DPH6: variants seen among roughly 807,000 people sequenced by gnomAD.
DPH6 encodes diphthamine biosynthesis 6, also known as diphthine--ammonia ligase.
DPH6 carries 33 observed loss-of-function variants against 38.2 expected under a neutral mutation model. That is an observed-to-expected ratio of 0.86 (90% CI 0.65 to 1.15). DPH6 has a LOEUF of 1.15. DPH6 is among the 50% of genes most tolerant of loss of function. The probability of loss-of-function intolerance (pLI) is 0.00; values close to 1 mark genes in which losing one functional copy is unlikely to be tolerated. For missense variants in DPH6, 325 were observed against 320.0 expected (o/e 1.02, Z -0.12); for synonymous variants, 108 against 103.0 (o/e 1.05, Z -0.30).
chr15:35,523,941 T>G (rs1240908346), intron 3 of DPH6, among the ~76,000 whole-genome samples: 3 of 151,876 alleles, frequency 2.0e-5, no homozygotes, highest in Non-Finnish European at 4.4e-5. Context: ...TCCTAATACA[T>G]CTTCAGAAAC....
intron 3 of DPH6, among the ~76,000 whole-genome samples, chr15:35,308,542 C>A (rs1199278243): frequency 6.6e-6 from 1 of 151,880 alleles, no homozygotes; most frequent in African/African-American, 2.4e-5. Context: ...AATTTAAGTG[C>A]CTGGTGGCCA....
chr15:35,534,050 G>A (rs1196419697), intron 3 of DPH6, among the ~76,000 whole-genome samples: 1 of 151,850 alleles, frequency 6.6e-6, no homozygotes, highest in African/African-American at 2.4e-5. Context: ...ACATGAAAGA[G>A]AAGAAAACTA....
chr15:35,348,876 A>G (rs551652369), intron 3 of DPH6, among the ~76,000 whole-genome samples: 17 of 151,054 alleles, frequency 1.1e-4, no homozygotes, highest in African/African-American at 4.2e-4. Flanking sequence ...TGGAGCAACT[A>G]TATCTATAAG....
At chr15:35,169,959 A>G in the DPH6 span, among the ~76,000 whole-genome samples, 3 of 152,232 alleles carry the variant, frequency 2.0e-5, no homozygotes, top group African/African-American at 7.2e-5. Flanking sequence ...TAAAATGTTC[A>G]AAGTACAATT....
chr15:35,241,373 C>T (rs1232748190), intron 3 of DPH6, among the ~76,000 whole-genome samples: 1 of 142,984 alleles, frequency 7.0e-6, no homozygotes, highest in South Asian at 2.5e-4. Flanking sequence ...CTCCACATTA[C>T]CTTCTTTTCA....
chr15:35,340,341 T>A (rs534481547), intron 3 of DPH6, among the ~76,000 whole-genome samples: 1 of 152,220 alleles, frequency 6.6e-6, no homozygotes, highest in Admixed American at 6.5e-5. Context: ...AACTTGCCAT[T>A]CTGTGTCTTT....
intron 2 of DPH6, among the ~76,000 whole-genome samples, chr15:35,540,947 A>T (rs977669076): frequency 2.0e-5 from 3 of 152,142 alleles, no homozygotes; most frequent in Non-Finnish European, 2.9e-5. Context: ...CCCCCTGGCC[A>T]CAAGGGATAA....
intron 7 of DPH6, among the ~76,000 whole-genome samples, chr15:35,380,934 T>C (rs1036338317): frequency 6.6e-6 from 1 of 152,148 alleles, no homozygotes; most frequent in Non-Finnish European, 1.5e-5. Flanking sequence ...GAAAAGAAAT[T>C]AGAAGAATAT....
At chr15:35,503,205 G>A (rs1255151549) in intron 3 of DPH6, among the ~76,000 whole-genome samples, 2 of 151,768 alleles carry the variant, frequency 1.3e-5, no homozygotes, top group Non-Finnish European at 1.5e-5. Flanking sequence ...AAAATATACT[G>A]TTACATACCT....
intron 6 of DPH6, chr15:35,401,309 G>C (rs2053215973): frequency 1.2e-6 from 1 of 816,614 alleles, no homozygotes; most frequent in Admixed American, 1.7e-5. Context: ...GGTAGTGGAG[G>C]AAACTTCAGT....
intron 3 of DPH6, among the ~76,000 whole-genome samples, chr15:35,488,604 C>T (rs2054435401): frequency 6.8e-6 from 1 of 148,086 alleles, no homozygotes; most frequent in African/African-American, 2.6e-5. Context: ...ATCCAAACAC[C>T]TCCCACCAGG....
intron 3 of DPH6, among the ~76,000 whole-genome samples, chr15:35,345,351 CATTT>C (rs1210371074): frequency 4.0e-5 from 6 of 151,764 alleles, no homozygotes; most frequent in Admixed American, 6.6e-5. Context: ...CTAATTTATA[CATTT>C]ATTTATTTTT....
chr15:35,332,661 A>C (rs1286020063), intron 3 of DPH6, among the ~76,000 whole-genome samples: 1 of 152,138 alleles, frequency 6.6e-6, no homozygotes, highest in Non-Finnish European at 1.5e-5. Flanking sequence ...ACTTAGTAAT[A>C]TTCAATAATT....
Position 35,402,947 on chromosome 15 carries a change from T to C in DPH6, c.567+7888A>G, listed in dbSNP as rs576229275. Reference sequence around the variant, plus strand: ...TATATCATAAGTAAATAATGATACCTTCATATGTAAAATACAAATATGATT... The same window carrying C: ...TATATCATAAGTAAATAATGATACCCTCATATGTAAAATACAAATATGATT... On this transcript the variant is annotated intron_variant, in intron 6 of 8. Transcript: ENST00000256538. 9.9e-5 allele frequency among the ~76,000 whole-genome samples: 15 copies of C among 152,228 alleles called. No individual in the cohort carries two copies. The South Asian group carries it at 2.9e-3, about 29-fold the overall frequency.
chr15:35,158,283 T>A, the DPH6 span, among the ~76,000 whole-genome samples: 2 of 152,124 alleles, frequency 1.3e-5, no homozygotes, highest in South Asian at 4.1e-4. Context: ...GTTTTTTATA[T>A]CTTGATTGGC....
intron 3 of DPH6, among the ~76,000 whole-genome samples, chr15:35,477,466 C>T (rs1054147992): frequency 2.6e-5 from 4 of 151,776 alleles, no homozygotes; most frequent in African/African-American, 9.7e-5. Flanking sequence ...CAGTGTACTC[C>T]ATCAACACAG....
chr15:35,220,905 C>T (rs908645080), intron 3 of DPH6, among the ~76,000 whole-genome samples: 11 of 152,106 alleles, frequency 7.2e-5, no homozygotes, highest in African/African-American at 2.7e-4. Context: ...TAACTCATTC[C>T]AGCATCAACT....
chr15:35,546,024 T>C, intron 1 of DPH6, 95 bp downstream of exon 1: 2 of 1,153,444 alleles, frequency 1.7e-6, no homozygotes, highest in South Asian at 2.9e-5. Context: ...AACGCGCGAC[T>C]CAGACGGAGA....
At chr15:35,339,314 C>CATT (rs550954918) in intron 3 of DPH6, among the ~76,000 whole-genome samples, 6,373 of 149,166 alleles carry the variant, frequency 0.043, 249 homozygotes, top group African/African-American at 0.12. Flanking sequence ...GCCTTAATTT[C>CATT]ATTATTATTA....
Sources: allele counts gnomAD v4.1 joint callset (sites outside exome capture counted in the v4.1 genomes callset), GRCh38; gene constraint gnomAD v4.1.1; transcripts MANE v1.5; gene names NCBI Gene and HGNC (gene_info 2026-07-23, HGNC 2026-07-21).